PDCD6: variants seen among roughly 807,000 people sequenced by gnomAD.
The protein encoded by PDCD6 is programmed cell death 6.
A neutral mutation model predicts 28.3 loss-of-function variants in PDCD6; 12 were observed. The observed-to-expected ratio is 0.42, with a 90% CI of 0.27 to 0.69. The LOEUF (loss-of-function observed/expected upper bound fraction) is 0.69. Among genes scored for constraint, PDCD6 ranks in the 30% least tolerant of loss-of-function variants. The pLI, the probability that PDCD6 is intolerant of heterozygous loss-of-function variation, is 0.22. For missense variants in PDCD6, 226 were observed against 269.9 expected, an observed-to-expected ratio of 0.84 and a Z score of 1.14; for synonymous variants, 92 against 108.0, an observed-to-expected ratio of 0.85 and a Z score of 0.92.
intron 2 of PDCD6, among the ~76,000 whole-genome samples, chr5:284,206 C>G (rs572525604): frequency 6.7e-6 from 1 of 150,284 alleles, no homozygotes; most frequent in African/African-American, 2.5e-5. Context: ...AGCTGCAGAC[C>G]GGGAGAGGAG....
chr5:299,831 C>A (rs191381038), intron 2 of PDCD6, among the ~76,000 whole-genome samples: 2 of 151,952 alleles, frequency 1.3e-5, no homozygotes, highest in African/African-American at 2.4e-5. Context: ...TTACAGGCGC[C>A]AGCCACCGCG....
At chr5:301,715 G>A (rs1409440241) in intron 2 of PDCD6, among the ~76,000 whole-genome samples, 2 of 150,960 alleles carry the variant, frequency 1.3e-5, no homozygotes, top group Non-Finnish European at 2.9e-5. Context: ...AGGTTCAGGT[G>A]CACCTGCCTT....
At chr5:308,384 A>G (rs1740666056) in intron 4 of PDCD6, 1 of 152,162 alleles carries the variant, frequency 6.6e-6, no homozygotes, top group Non-Finnish European at 1.5e-5. Context: ...ACGGCCGGTC[A>G]CGCAGCCTTC....
At chr5:289,686 A>G in intron 2 of PDCD6, 2 of 949,396 alleles carry the variant, frequency 2.1e-6, no homozygotes, top group Admixed American at 3.4e-5. Flanking sequence ...TCGAAGAGTC[A>G]CTGTGATTTT....
chr5:311,642 G>A (rs1247360027), intron 5 of PDCD6: 13 of 500,230 alleles, frequency 2.6e-5, no homozygotes, highest in South Asian at 2.1e-4. Flanking sequence ...TTCAGTATCC[G>A]GTGGGTTATT....
In PDCD6 at chr5:304,443, C is replaced by T. The variant is rs564738036; in HGVS notation, c.208+222C>T. 545 of 396,902 alleles carry T rather than the reference C, an allele frequency of 1.4e-3. 1 individual carries two copies. The highest frequency in any genetic ancestry group is 2.0e-3 in the Non-Finnish European group (443 of 221,870). 24.6% of individuals were successfully genotyped at this position (396,902 alleles called of 1,614,324 possible). On this transcript the variant is annotated intron_variant, in intron 3 of 5. Transcript: ENST00000264933. Reference sequence around the variant, plus strand: ...CTTGATTCTGTTTATTTTTAATGTACGGTGTAACCTGTCCTTTCAGTTTCT... The same window carrying T: ...CTTGATTCTGTTTATTTTTAATGTATGGTGTAACCTGTCCTTTCAGTTTCT...
chr5:276,990 A>C, intron 2 of PDCD6: 2 of 968,436 alleles, frequency 2.1e-6, no homozygotes, highest in Non-Finnish European at 1.2e-6. Context: ...TAACATTCAC[A>C]TATTTCTTGG....
At chr5:288,588 C>G (rs1374205417) in intron 2 of PDCD6, among the ~76,000 whole-genome samples, 2 of 146,778 alleles carry the variant, frequency 1.4e-5, no homozygotes, top group East Asian at 3.9e-4. Flanking sequence ...ACACAAACCA[C>G]TGATTTGCCC....
chr5:289,125 G>A (rs576175154), intron 2 of PDCD6: 28 of 1,157,534 alleles, frequency 2.4e-5, no homozygotes, highest in South Asian at 1.7e-4. Flanking sequence ...TTTTCTTTCC[G>A]GGATCATTTC....
chr5:293,257 C>T (rs909521641), intron 2 of PDCD6, among the ~76,000 whole-genome samples: 1 of 152,112 alleles, frequency 6.6e-6, no homozygotes, highest in African/African-American at 2.4e-5. Flanking sequence ...CAGCACAGGG[C>T]ACTGGGAGCT....
chr5:288,274 C>T (rs1047289448), intron 2 of PDCD6, among the ~76,000 whole-genome samples: 1 of 138,228 alleles, frequency 7.2e-6, no homozygotes, highest in Non-Finnish European at 1.5e-5. Flanking sequence ...CATTTCCCCC[C>T]TTAAAATAAT....
At position 271,756 on chromosome 5, in the gene PDCD6, C is replaced by T. The variant is rs922802759; in HGVS notation, c.36C>T (p.Ala12=). 2.5e-5 allele frequency: 37 copies of T among 1,461,608 alleles called. No homozygotes were observed. The highest frequency in any genetic ancestry group is 4.6e-5 in the African/African-American group (3 of 65,878). The allele number at this position is 1,461,608 out of a possible 1,614,324, so 90.5% of individuals were successfully genotyped here. ...ACTCTTACCGCCCCGGCCCTGGGGC[C>T]GGCCCTGGGCCTGCTGCAGGCGCGG... is the stretch of plus-strand genomic sequence containing the variant. The part of the protein sequence containing the change: ...AAYSYRPGPG[A]GPGPAAGAAL... The change falls in exon 1 of 6, where the codon GCC becomes GCT. Residue 12 remains alanine (A), a synonymous_variant. Transcript: ENST00000264933.
intron 2 of PDCD6, among the ~76,000 whole-genome samples, chr5:280,330 G>A (rs866353638): frequency 6.6e-6 from 1 of 152,288 alleles, no homozygotes; most frequent in African/African-American, 2.4e-5. Context: ...GAGACCTTAG[G>A]CCAGAGCAGA....
chr5:272,010 G>T (rs1284880449), intron 1 of PDCD6, among the ~76,000 whole-genome samples, 189 bp downstream of exon 1: 1 of 142,226 alleles, frequency 7.0e-6, no homozygotes, highest in Non-Finnish European at 1.5e-5. Context: ...CGACGCGGCC[G>T]CCCCCGTCCC....
chr5:302,363 A>C, intron 2 of PDCD6, among the ~76,000 whole-genome samples: 1 of 134,418 alleles, frequency 7.4e-6, no homozygotes, highest in African/African-American at 3.0e-5. Flanking sequence ...TTCCCTGCAT[A>C]ACTGCTGGAG....
chr5:312,638 C>T (rs921221791), intron 5 of PDCD6, among the ~76,000 whole-genome samples: 1 of 152,062 alleles, frequency 6.6e-6, no homozygotes, highest in Non-Finnish European at 1.5e-5. Context: ...TTACAATGTT[C>T]TCTGAACACT....
At chr5:290,518 G>A (rs1188586813) in intron 2 of PDCD6, among the ~76,000 whole-genome samples, 1 of 152,152 alleles carries the variant, frequency 6.6e-6, no homozygotes, top group Non-Finnish European at 1.5e-5. Context: ...ATCTCCCCAA[G>A]CCACTACCAC....
At chr5:283,388 A>G (rs75017988) in intron 2 of PDCD6, among the ~76,000 whole-genome samples, 3,900 of 99,382 alleles carry the variant, frequency 0.039, no homozygotes, top group African/African-American at 0.15. Flanking sequence ...TCTAGTTTGA[A>G]TGTCTTGCAG....
At chr5:279,430 T>C (rs959452938) in intron 2 of PDCD6, among the ~76,000 whole-genome samples, 1 of 151,906 alleles carries the variant, frequency 6.6e-6, no homozygotes, top group African/African-American at 2.4e-5. Flanking sequence ...GGCTGTGGAA[T>C]GAGAGGCGTG....
Sources: gnomAD v4.1 joint callset for allele counts (sites outside exome capture counted in the v4.1 genomes callset) on GRCh38, gnomAD v4.1.1 for gene constraint, MANE v1.5 for transcripts, NCBI Gene and HGNC (gene_info 2026-07-23, HGNC 2026-07-21) for gene names.